SLC24A2: variants seen among roughly 807,000 people sequenced by gnomAD.
SLC24A2 encodes the protein solute carrier family 24 member 2.
A neutral mutation model predicts 62.0 loss-of-function variants in SLC24A2; 36 were observed. That is an observed-to-expected ratio of 0.58 (90% CI 0.44 to 0.77). The LOEUF (loss-of-function observed/expected upper bound fraction) is 0.77. SLC24A2 is among the 30% of genes least tolerant of loss of function. The pLI, the probability that SLC24A2 is intolerant of heterozygous loss-of-function variation, is 0.00. For missense variants in SLC24A2, 846 were observed against 817.9 expected, an observed-to-expected ratio of 1.03 and a Z score of -0.42; for synonymous variants, 358 against 294.0, an observed-to-expected ratio of 1.22 and a Z score of -2.23.
chr9:19,777,164 A>T (rs1423741720), intron 2 of SLC24A2, among the ~76,000 whole-genome samples: 1 of 152,234 alleles, frequency 6.6e-6, no homozygotes, highest in Non-Finnish European at 1.5e-5. Context: ...TCTTTGTGTG[A>T]GTCATCACAG....
the SLC24A2 span, among the ~76,000 whole-genome samples, chr9:19,906,981 C>T: frequency 6.6e-6 from 1 of 152,158 alleles, no homozygotes; most frequent in Non-Finnish European, 1.5e-5. Context: ...TTTTATGAGG[C>T]CAGCATCATC....
chr9:19,792,951 CAAAAGAACTGGGGTTA>C (rs889223225), upstream of SLC24A2, among the ~76,000 whole-genome samples: 3 of 152,130 alleles, frequency 2.0e-5, no homozygotes, highest in Admixed American at 2.0e-4. Context: ...TTTAGCTAAA[CAAAAGAACTGGGGTTA>C]TTTTTAAAAG....
the SLC24A2 span, among the ~76,000 whole-genome samples, chr9:20,152,678 G>C: frequency 1.3e-5 from 2 of 151,814 alleles, no homozygotes; most frequent in Non-Finnish European, 2.9e-5. Flanking sequence ...GTCCAGTTTT[G>C]ACTAGGATGC....
chr9:20,187,120 C>T, the SLC24A2 span, among the ~76,000 whole-genome samples: 2,031 of 152,268 alleles, frequency 0.013, 23 homozygotes, highest in Non-Finnish European at 0.021. Context: ...CCATCCCCAT[C>T]CCATCCCATC....
At chr9:19,608,441 T>C (rs1837051749) in intron 4 of SLC24A2, among the ~76,000 whole-genome samples, 1 of 152,146 alleles carries the variant, frequency 6.6e-6, no homozygotes, top group Non-Finnish European at 1.5e-5. Context: ...ATTAAGTGTC[T>C]GTGTTAAAGA....
the SLC24A2 span, among the ~76,000 whole-genome samples, chr9:19,833,486 A>G: frequency 5.3e-5 from 8 of 152,278 alleles, no homozygotes; most frequent in African/African-American, 1.9e-4. Flanking sequence ...TTGCTAGCAC[A>G]GCAGTCTGAG....
At chr9:20,248,561 G>C in the SLC24A2 span, among the ~76,000 whole-genome samples, 1 of 152,080 alleles carries the variant, frequency 6.6e-6, no homozygotes, top group Non-Finnish European at 1.5e-5. Flanking sequence ...TCTTTTATAA[G>C]GGCACTAATC....
chr9:19,639,356 T>G lies in SLC24A2; in HGVS notation c.931-17057A>C, dbSNP rs549695179. On this transcript the variant is annotated intron_variant, in intron 2 of 10. Coordinates refer to ENST00000341998, the MANE Select transcript of SLC24A2 (RefSeq NM_020344.4). ...GTAAAGTTTGTTTTCCTTCCCCTTGTTTTGGATTAATCTTGTGACGCTTTG... is the reference window on the plus strand; with the variant it reads ...GTAAAGTTTGTTTTCCTTCCCCTTGGTTTGGATTAATCTTGTGACGCTTTG... Among the ~76,000 whole-genome samples, 30 of 152,332 alleles carry G rather than the reference T, an allele frequency of 2.0e-4. No homozygotes were observed. The South Asian group carries it at 4.8e-3, about 24-fold the overall frequency.
At chr9:19,803,926 A>G in the SLC24A2 span, among the ~76,000 whole-genome samples, 2 of 152,152 alleles carry the variant, frequency 1.3e-5, no homozygotes, top group African/African-American at 4.8e-5. Context: ...AAAAATATAC[A>G]TTTCTCTTGT....
At chr9:19,851,642 T>G in the SLC24A2 span, among the ~76,000 whole-genome samples, 1 of 152,164 alleles carries the variant, frequency 6.6e-6, no homozygotes. Context: ...TCCATGTCCC[T>G]GCAAAGGACA....
chr9:19,726,504 G>T (rs1339895067), intron 2 of SLC24A2, among the ~76,000 whole-genome samples: 1 of 152,098 alleles, frequency 6.6e-6, no homozygotes, highest in Non-Finnish European at 1.5e-5. Context: ...AGCACTCCCT[G>T]CACAACAGGA....
At chr9:20,160,825 T>C in the SLC24A2 span, among the ~76,000 whole-genome samples, 2 of 150,316 alleles carry the variant, frequency 1.3e-5, no homozygotes, top group East Asian at 3.9e-4. Flanking sequence ...TTAAAAATAA[T>C]TATAATTTCT....
chr9:19,790,951 C>G (rs909666523), upstream of SLC24A2, among the ~76,000 whole-genome samples: 1 of 152,066 alleles, frequency 6.6e-6, no homozygotes, highest in Non-Finnish European at 1.5e-5. Flanking sequence ...AGTCTTGATT[C>G]GGTGAGAAGA....
In SLC24A2 at chr9:19,788,966, C is replaced by G; in HGVS notation, c.-235G>C. 1 of 984,668 alleles carries G rather than the reference C, an allele frequency of 1.0e-6. No homozygotes were observed. The highest frequency in any genetic ancestry group is 1.2e-6 in the Non-Finnish European group (1 of 829,250). The allele number at this position is 984,668 out of a possible 1,614,324, so 61.0% of individuals were successfully genotyped here. ...CCAGTCCGCCGGCCCTCCGCCTACC[C>G]GCTCTGAGGCCCGGGCTCTGGCTCG... On this transcript the variant is annotated 5_prime_UTR_variant, in exon 1 of 11. Coordinates refer to ENST00000341998, the MANE Select transcript of SLC24A2 (RefSeq NM_020344.4).
chr9:19,636,313 T>C (rs1000484822), intron 2 of SLC24A2, among the ~76,000 whole-genome samples: 456 of 21,166 alleles, frequency 0.022, 17 homozygotes, highest in African/African-American at 0.1. Flanking sequence ...TCTTTTCTTT[T>C]CTTTTCTTTC....
the SLC24A2 span, among the ~76,000 whole-genome samples, chr9:20,222,235 A>C: frequency 6.6e-6 from 1 of 152,130 alleles, no homozygotes; most frequent in Admixed American, 6.6e-5. Context: ...GAAGGAGAAA[A>C]GAATGTAGAA....
At chr9:20,176,418 T>C in the SLC24A2 span, among the ~76,000 whole-genome samples, 47 of 152,104 alleles carry the variant, frequency 3.1e-4, no homozygotes, top group Non-Finnish European at 4.9e-4. Flanking sequence ...CAGAGAATAT[T>C]CTACCTGAAA....
In SLC24A2 at chr9:19,559,280, T is replaced by C. The variant is rs549657002; in HGVS notation, c.1348-9012A>G. ...TTTGAAGGTGGAAAATGCAAAAATTTTGTACCTCCATCTATCCACTTACCC... is the reference window on the plus strand; with the variant it reads ...TTTGAAGGTGGAAAATGCAAAAATTCTGTACCTCCATCTATCCACTTACCC... On this transcript the variant is annotated intron_variant, in intron 7 of 10. Transcript: ENST00000341998. 7.2e-5 allele frequency among the ~76,000 whole-genome samples: 11 copies of C among 152,308 alleles called. No individual in the cohort carries two copies. The South Asian group carries it at 2.3e-3, about 32-fold the overall frequency.
intron 4 of SLC24A2, among the ~76,000 whole-genome samples, chr9:19,598,495 A>T (rs1836763962): frequency 6.6e-6 from 1 of 152,220 alleles, no homozygotes; most frequent in Non-Finnish European, 1.5e-5. Flanking sequence ...ACGCCAGCAC[A>T]AAATTATATC....
Sources: allele counts gnomAD v4.1 joint callset (sites outside exome capture counted in the v4.1 genomes callset), GRCh38; gene constraint gnomAD v4.1.1; transcripts MANE v1.5; gene names NCBI Gene and HGNC (gene_info 2026-07-23, HGNC 2026-07-21).